PRICKLE2: variants seen among roughly 807,000 people sequenced by gnomAD.
PRICKLE2 encodes the protein prickle-like protein 2.
In PRICKLE2, 21 loss-of-function variants were observed where a neutral mutation model predicts 81.4. The observed-to-expected ratio is 0.26, with a 90% confidence interval of 0.18 to 0.37. PRICKLE2 has a LOEUF of 0.37. Among genes scored for constraint, PRICKLE2 ranks in the 10% least tolerant of loss-of-function variants. The pLI is 1.00. For missense variants in PRICKLE2, 940 were observed against 1,109.0 expected (o/e 0.85, Z 2.16); for synonymous variants, 456 against 421.5 (o/e 1.08, Z -1.00).
In PRICKLE2 at chr3:64,151,372, AAGG is replaced by A. The variant is rs550766503; in HGVS notation, c.787+1807_787+1809del. 3.0e-4 allele frequency among the ~76,000 whole-genome samples: 46 copies of A among 152,338 alleles called. No individual in the cohort carries two copies. In the South Asian group the frequency reaches 9.1e-3, roughly 30 times the overall value. On this transcript the variant is annotated intron_variant, in intron 6 of 7. Coordinates refer to ENST00000638394, the MANE Select transcript of PRICKLE2 (RefSeq NM_198859.4). ...ACACCCTTTAATGGATTTAATAGGA[AAGG>A]AGGAGAGAATGCCAATAAATGTGCT...
At chr3:64,148,170 G>A (rs995758197) in intron 6 of PRICKLE2, among the ~76,000 whole-genome samples, 1 of 152,140 alleles carries the variant, frequency 6.6e-6, no homozygotes, top group Non-Finnish European at 1.5e-5. Context: ...AACCAGAGAC[G>A]AGATCTGTAC....
intron 2 of PRICKLE2, among the ~76,000 whole-genome samples, chr3:64,257,544 G>T (rs1241680838): frequency 1.3e-5 from 2 of 152,210 alleles, no homozygotes; most frequent in Non-Finnish European, 2.9e-5. Context: ...TGAGTGGGAT[G>T]CAGAAAGGTG....
chr3:64,113,458 G>A (rs1289007669), intron 7 of PRICKLE2, among the ~76,000 whole-genome samples: 1 of 152,146 alleles, frequency 6.6e-6, no homozygotes, highest in Non-Finnish European at 1.5e-5. Context: ...TAGCTTCTGT[G>A]CCAGTGAACC....
At chr3:64,140,079 G>A (rs2107002251) in intron 7 of PRICKLE2, among the ~76,000 whole-genome samples, 1 of 152,278 alleles carries the variant, frequency 6.6e-6, no homozygotes, top group East Asian at 1.9e-4. Flanking sequence ...ATACCAACCA[G>A]TATTCAATGA....
intron 7 of PRICKLE2, among the ~76,000 whole-genome samples, chr3:64,111,683 TC>T (rs1172357892): frequency 1.3e-5 from 2 of 152,198 alleles, no homozygotes; most frequent in Non-Finnish European, 2.9e-5. Flanking sequence ...GTACAGTATA[TC>T]CCATTTATAG....
chr3:64,204,774 T>G (rs2078651744), intron 1 of PRICKLE2, among the ~76,000 whole-genome samples: 1 of 152,184 alleles, frequency 6.6e-6, no homozygotes, highest in African/African-American at 2.4e-5. Flanking sequence ...TTGTAAAGAA[T>G]TTTCAACCTT....
At position 64,177,774 on chromosome 3, in the gene PRICKLE2, A is replaced by T. The variant is rs2078051508; in HGVS notation, c.145-14645T>A. Among the ~76,000 whole-genome samples, 5 of 152,184 alleles carry T rather than the reference A, an allele frequency of 3.3e-5. No individual in the cohort carries two copies. The South Asian group carries it at 1.0e-3, about 31-fold the overall frequency. The stretch of plus-strand genomic sequence containing the variant: ...TTGTGGCTATTATTTCACTGCATGT[A>T]TATACCACATTTTGTTTATCCATTT... On this transcript the variant is annotated intron_variant, in intron 2 of 7. Coordinates refer to ENST00000638394, the MANE Select transcript of PRICKLE2 (RefSeq NM_198859.4).
intron 2 of PRICKLE2, among the ~76,000 whole-genome samples, chr3:64,185,631 A>G (rs2107087799): frequency 6.6e-6 from 1 of 152,288 alleles, no homozygotes; most frequent in South Asian, 2.1e-4. Context: ...AATACTGAGC[A>G]GTTCTTTCTG....
chr3:64,127,960 A>G (rs999471949), intron 7 of PRICKLE2, among the ~76,000 whole-genome samples: 1 of 152,102 alleles, frequency 6.6e-6, no homozygotes, highest in African/African-American at 2.4e-5. Context: ...GTGGGGCTTG[A>G]GCAGGGCAGA....
At chr3:64,105,620 A>C (rs1324335754) in intron 7 of PRICKLE2, 2 of 152,198 alleles carry the variant, frequency 1.3e-5, no homozygotes, top group Non-Finnish European at 1.5e-5. Context: ...GGTTTCTCCA[A>C]TTTTAAAGTC....
intron 7 of PRICKLE2, among the ~76,000 whole-genome samples, chr3:64,125,157 C>T (rs2077087100): frequency 6.6e-6 from 1 of 152,126 alleles, no homozygotes; most frequent in Admixed American, 6.5e-5. Flanking sequence ...AGCAAGAAAA[C>T]TAGAATTAAG....
intron 2 of PRICKLE2, among the ~76,000 whole-genome samples, chr3:64,236,546 C>G (rs904279929): frequency 1.3e-5 from 2 of 152,360 alleles, no homozygotes; most frequent in South Asian, 4.1e-4. Context: ...ACATATCCCT[C>G]AAACCATTGA....
At chr3:64,217,748 G>A (rs1013318809) in intron 1 of PRICKLE2, among the ~76,000 whole-genome samples, 3 of 152,150 alleles carry the variant, frequency 2.0e-5, no homozygotes, top group Non-Finnish European at 4.4e-5. Flanking sequence ...AGAAAAAAAC[G>A]TGTCGATTAT....
At position 64,204,901 on chromosome 3, in the gene PRICKLE2, G is replaced by A. The variant is rs150270949; in HGVS notation, c.-40-5934C>T. On this transcript the variant is annotated intron_variant, in intron 1 of 7. Transcript: ENST00000638394. ...CAGAGGGTCAGAAGTGATGCTAAGA[G>A]GATTTCTCTTCATTCCTGCATCTCT... is the stretch of plus-strand genomic sequence containing the variant. Among the ~76,000 whole-genome samples, 917 of 152,230 alleles carry A rather than the reference G, an allele frequency of 6.0e-3. 10 individuals are homozygous for A. The highest frequency in any genetic ancestry group is 9.5e-3 in the Non-Finnish European group (645 of 68,026).
In PRICKLE2 at chr3:64,171,296, T is replaced by C. The variant is rs576956425; in HGVS notation, c.145-8167A>G. On this transcript the variant is annotated intron_variant, in intron 2 of 7. Coordinates refer to ENST00000638394, the MANE Select transcript of PRICKLE2 (RefSeq NM_198859.4). ...GGCAATAATACCCCCCAAGAGATAT[T>C]TGACAATGTCTACAAACATTTTTTG... 4.6e-5 allele frequency among the ~76,000 whole-genome samples: 7 copies of C among 152,350 alleles called. No homozygotes were observed. The South Asian group carries it at 6.2e-4, about 14-fold the overall frequency.
chr3:64,140,826 G>A (rs964487819), intron 7 of PRICKLE2, among the ~76,000 whole-genome samples: 4 of 152,110 alleles, frequency 2.6e-5, no homozygotes, highest in Non-Finnish European at 5.9e-5. Flanking sequence ...CTTCTCTTTA[G>A]CATTGGCAAA....
intron 2 of PRICKLE2, among the ~76,000 whole-genome samples, chr3:64,175,374 G>C (rs2078005545): frequency 2.0e-5 from 3 of 152,060 alleles, no homozygotes; most frequent in African/African-American, 7.2e-5. Flanking sequence ...TATCTTGATG[G>C]CTAGCTAGTT....
At chr3:64,216,085 C>T (rs767887784) in intron 1 of PRICKLE2, among the ~76,000 whole-genome samples, 2 of 152,172 alleles carry the variant, frequency 1.3e-5, no homozygotes, top group Admixed American at 6.5e-5. Flanking sequence ...AACATTAGCT[C>T]CTGGGTAATC....
intron 2 of PRICKLE2, among the ~76,000 whole-genome samples, chr3:64,189,210 G>A (rs534546715): frequency 6.6e-6 from 1 of 152,322 alleles, no homozygotes; most frequent in East Asian, 1.9e-4. Flanking sequence ...AGTGAGAAGA[G>A]ATAAGGATAA....
Sources: allele counts gnomAD v4.1 joint callset (sites outside exome capture counted in the v4.1 genomes callset), GRCh38; gene constraint gnomAD v4.1.1; transcripts MANE v1.5; gene names NCBI Gene and HGNC (gene_info 2026-07-23, HGNC 2026-07-21).